UGT8: variants seen among roughly 807,000 people sequenced by gnomAD.
The protein encoded by UGT8 is UDP glycosyltransferase 8.
UGT8 carries 12 observed loss-of-function variants against 40.5 expected under a neutral mutation model. The observed-to-expected ratio is 0.30, with a 90% CI of 0.19 to 0.48. The LOEUF (loss-of-function observed/expected upper bound fraction) is 0.48. UGT8 is among the 20% of genes least tolerant of loss of function. The pLI, the probability that UGT8 is intolerant of heterozygous loss-of-function variation, is 0.99. For synonymous variants in UGT8, 224 were observed against 240.4 expected, an observed-to-expected ratio of 0.93 and a Z score of 0.63; for missense variants, 513 against 648.7, an observed-to-expected ratio of 0.79 and a Z score of 2.27.
intron 2 of UGT8, among the ~76,000 whole-genome samples, chr4:114,650,470 T>C (rs1266784575): frequency 1.3e-5 from 2 of 152,190 alleles, no homozygotes; most frequent in Admixed American, 1.3e-4. Flanking sequence ...GTGTGAGCTA[T>C]TTTTTAAAGC....
chr4:114,675,133 C>T (rs896888539), intron 5 of UGT8, among the ~76,000 whole-genome samples: 3 of 152,014 alleles, frequency 2.0e-5, no homozygotes, highest in Non-Finnish European at 4.4e-5. Context: ...TATCTTCACC[C>T]CATATTTAAT....
intron 2 of UGT8, among the ~76,000 whole-genome samples, chr4:114,638,514 ATC>A (rs1468759150): frequency 1.3e-5 from 2 of 152,174 alleles, no homozygotes; most frequent in Non-Finnish European, 2.9e-5. Context: ...AGGAGCATTC[ATC>A]TGTCCTCCCT....
At chr4:114,600,990 CGATATTTAGTAAAG>C (rs1730410402) in intron 1 of UGT8, among the ~76,000 whole-genome samples, 1 of 151,998 alleles carries the variant, frequency 6.6e-6, no homozygotes, top group Non-Finnish European at 1.5e-5. Context: ...CATAGTGCCC[CGATATTTAGTAAAG>C]GCTTGATACT....
At chr4:114,602,308 G>A (rs1165024291) in intron 1 of UGT8, among the ~76,000 whole-genome samples, 4 of 152,164 alleles carry the variant, frequency 2.6e-5, no homozygotes, top group African/African-American at 7.2e-5. Flanking sequence ...CTATAATGTA[G>A]TGTAGTTAAT....
chr4:114,660,708 C>T lies in UGT8; in HGVS notation c.823-3287C>T, dbSNP rs185575384. ...GAGATCAAGACCATCCTGGCTAACA[C>T]GGTGAAACCCCATCTCTAGTAAAAA... is the stretch of plus-strand genomic sequence containing the variant. On this transcript the variant is annotated intron_variant, in intron 2 of 5. Coordinates refer to ENST00000310836, the MANE Select transcript of UGT8 (RefSeq NM_001128174.3). Among the ~76,000 whole-genome samples the T allele has an allele frequency of 1.1e-4, 17 of 151,914 alleles. No homozygotes were observed. The East Asian group carries it at 3.1e-3, about 28-fold the overall frequency.
chr4:114,642,166 G>A (rs1195465081), intron 2 of UGT8, among the ~76,000 whole-genome samples: 3 of 151,908 alleles, frequency 2.0e-5, no homozygotes, highest in Non-Finnish European at 4.4e-5. Flanking sequence ...GCAGCAACGT[G>A]TAGCTGAAAG....
chr4:114,665,250 C>A, intron 3 of UGT8: 2 of 324,636 alleles, frequency 6.2e-6, no homozygotes, highest in Non-Finnish European at 8.9e-6. Context: ...AATACTTCTG[C>A]CTTCCCTCAG....
At chr4:114,636,470 A>G (rs918555321) in intron 2 of UGT8, among the ~76,000 whole-genome samples, 2 of 152,236 alleles carry the variant, frequency 1.3e-5, no homozygotes, top group Non-Finnish European at 2.9e-5. Context: ...TTTGAGAACC[A>G]TAAATAAATA....
At chr4:114,672,978 G>C (rs983271177) in intron 5 of UGT8, among the ~76,000 whole-genome samples, 11 of 152,110 alleles carry the variant, frequency 7.2e-5, no homozygotes, top group Non-Finnish European at 1.5e-4. Flanking sequence ...AAATAAGTTA[G>C]AAAGAAAGAT....
chr4:114,636,264 G>A (rs528197526), intron 2 of UGT8, among the ~76,000 whole-genome samples: 15 of 152,230 alleles, frequency 9.9e-5, no homozygotes, highest in East Asian at 1.9e-4. Flanking sequence ...AGGGAATAAG[G>A]CCTCAAAAGG....
chr4:114,638,970 GC>G (rs1336247905), intron 2 of UGT8, among the ~76,000 whole-genome samples: 2 of 152,168 alleles, frequency 1.3e-5, no homozygotes, highest in Non-Finnish European at 2.9e-5. Flanking sequence ...AAAATGCCCA[GC>G]CCTTCATACC....
intron 2 of UGT8, among the ~76,000 whole-genome samples, chr4:114,632,071 C>A (rs1265839148): frequency 1.3e-5 from 2 of 152,184 alleles, no homozygotes; most frequent in Non-Finnish European, 2.9e-5. Flanking sequence ...AACTCTTCTC[C>A]CTGTTTTAAT....
intron 4 of UGT8, among the ~76,000 whole-genome samples, chr4:114,666,705 T>C (rs1734907384): frequency 6.6e-6 from 1 of 152,154 alleles, no homozygotes; most frequent in Non-Finnish European, 1.5e-5. Flanking sequence ...TTATTGTGTG[T>C]GGGTTTTCCA....
In UGT8 at chr4:114,668,322, A is replaced by G. The variant is rs776502401; in HGVS notation, c.1262+18A>G. The G allele has an allele frequency of 1.2e-6, 2 of 1,604,480 alleles. No homozygotes were observed. Among genetic ancestry groups the G allele is most frequent in the Admixed American group, 1.7e-5 (1 of 59,954 alleles). ...AATCCCAGGTAAGGTTTCAATTAAC[A>G]TTAAAGCTGATGAACTTACATACCA... On this transcript the variant is annotated intron_variant, in intron 5 of 5. Coordinates refer to ENST00000310836, the MANE Select transcript of UGT8 (RefSeq NM_001128174.3).
chr4:114,645,985 T>C lies in UGT8; in HGVS notation c.823-18010T>C, dbSNP rs79352884. 3.1e-3 allele frequency among the ~76,000 whole-genome samples: 473 copies of C among 152,304 alleles called. 2 individuals carry two copies. Among genetic ancestry groups the C allele is most frequent in the African/African-American group, 9.2e-3 (384 of 41,576 alleles). On this transcript the variant is annotated intron_variant, in intron 2 of 5. Transcript: ENST00000310836. Reference sequence around the variant, plus strand: ...AGGAAGTCAGATGTAAGCAATTAAATAGATAACTGCACAGAGACGGAATAT... The same window carrying C: ...AGGAAGTCAGATGTAAGCAATTAAACAGATAACTGCACAGAGACGGAATAT...
intron 2 of UGT8, among the ~76,000 whole-genome samples, chr4:114,643,985 C>T (rs747139406): frequency 1.3e-5 from 2 of 152,124 alleles, no homozygotes; most frequent in African/African-American, 2.4e-5. Flanking sequence ...ACAATTGCAG[C>T]GCCTACTACC....
intron 2 of UGT8, among the ~76,000 whole-genome samples, chr4:114,626,398 C>G (rs547300662): frequency 1.3e-5 from 2 of 152,300 alleles, no homozygotes; most frequent in South Asian, 4.2e-4. Flanking sequence ...GCCCTGGTAT[C>G]TTACACTGGG....
intron 5 of UGT8, among the ~76,000 whole-genome samples, chr4:114,673,332 A>G (rs924918969): frequency 4.1e-4 from 62 of 152,216 alleles, no homozygotes; most frequent in African/African-American, 1.5e-3. Flanking sequence ...GAGTTCTCCA[A>G]TATTCCTTTC....
At chr4:114,611,035 T>A (rs571481339) in intron 1 of UGT8, among the ~76,000 whole-genome samples, 1 of 152,262 alleles carries the variant, frequency 6.6e-6, no homozygotes, top group East Asian at 1.9e-4. Context: ...CAGGAGAAGA[T>A]GAAAGTTTGA....
Sources: allele counts gnomAD v4.1 joint callset (sites outside exome capture counted in the v4.1 genomes callset), GRCh38; gene constraint gnomAD v4.1.1; transcripts MANE v1.5; gene names NCBI Gene and HGNC (gene_info 2026-07-23, HGNC 2026-07-21).